The following PACSIN2 variants were observed in gnomAD, a reference collection of about 807,000 sequenced individuals.
The protein encoded by PACSIN2 is protein kinase C and casein kinase substrate in neurons 2.
PACSIN2 carries 25 observed loss-of-function variants against 63.8 expected under a neutral mutation model. The ratio of observed to expected loss-of-function variants is 0.39; its 90% CI spans 0.29 to 0.55. The LOEUF (loss-of-function observed/expected upper bound fraction) is 0.55, where lower values mean the gene tolerates loss of function less well. Among genes scored for constraint, PACSIN2 ranks in the 20% least tolerant of loss-of-function variants. PACSIN2 has a pLI of 0.62. For synonymous variants in PACSIN2, 255 were observed against 256.2 expected (o/e 1.00, Z 0.05); for missense variants, 518 against 646.9 (o/e 0.80, Z 2.16).
intron 1 of PACSIN2, among the ~76,000 whole-genome samples, chr22:42,923,282 G>A (rs188953805): frequency 3.3e-5 from 5 of 152,206 alleles, no homozygotes; most frequent in Non-Finnish European, 5.9e-5. Flanking sequence ...TTCTCAACAC[G>A]GTGACCCTCT....
chr22:42,902,436 A>G (rs1436254318), intron 2 of PACSIN2, among the ~76,000 whole-genome samples: 2 of 152,142 alleles, frequency 1.3e-5, no homozygotes, highest in Non-Finnish European at 2.9e-5. Flanking sequence ...CTATGCCTCT[A>G]TATGTCTCCA....
At chr22:42,921,463 C>G (rs1055897098) in intron 1 of PACSIN2, among the ~76,000 whole-genome samples, 4 of 151,874 alleles carry the variant, frequency 2.6e-5, no homozygotes, top group African/African-American at 9.7e-5. Context: ...CAGACTCTTA[C>G]AGAGATGTGG....
chr22:42,923,222 T>C (rs1275035243), intron 1 of PACSIN2, among the ~76,000 whole-genome samples: 3 of 152,208 alleles, frequency 2.0e-5, no homozygotes, highest in Non-Finnish European at 2.9e-5. Flanking sequence ...GTATGCACTG[T>C]TGCATGTCTT....
At position 42,921,365 on chromosome 22, in the gene PACSIN2, GAAAAAAGA is replaced by G. The variant is rs1932184442; in HGVS notation, c.-77-9216_-77-9209del. 4.8e-5 allele frequency among the ~76,000 whole-genome samples: 4 copies of G among 82,664 alleles called. No homozygotes were observed. The South Asian group carries it at 1.2e-3, about 25-fold the overall frequency. The allele number at this position is 82,664 out of a possible 152,430, so 54.2% of individuals were successfully genotyped here. On this transcript the variant is annotated intron_variant, in intron 1 of 10. Coordinates refer to ENST00000263246, the MANE Select transcript of PACSIN2 (RefSeq NM_001184970.3). ...CAGTGTGAGACTCCGTCTCAAAAAA[GAAAAAAGA>G]AAAAAAAAAAAAAAGCTGCATTTGG...
intron 1 of PACSIN2, among the ~76,000 whole-genome samples, chr22:42,933,979 C>T (rs1844430039): frequency 6.6e-6 from 1 of 152,186 alleles, no homozygotes; most frequent in African/African-American, 2.4e-5. Context: ...ACTCAAATAC[C>T]AGTGAAAAGC....
chr22:42,908,882 G>C (rs1001983599), intron 2 of PACSIN2, among the ~76,000 whole-genome samples: 1 of 152,122 alleles, frequency 6.6e-6, no homozygotes, highest in Non-Finnish European at 1.5e-5. Context: ...ATGTTACTGA[G>C]AGGCAGAGCT....
chr22:43,002,884 A>G (rs1923854431), intron 1 of PACSIN2, among the ~76,000 whole-genome samples: 1 of 152,242 alleles, frequency 6.6e-6, no homozygotes, highest in Non-Finnish European at 1.5e-5. Flanking sequence ...AACATGGAAA[A>G]TACTTGAGAA....
chr22:42,895,594 A>G (rs1930223406), intron 2 of PACSIN2, among the ~76,000 whole-genome samples: 1 of 152,276 alleles, frequency 6.6e-6, no homozygotes, highest in Admixed American at 6.5e-5. Flanking sequence ...CCATCGGCAC[A>G]CACAGGAGCT....
chr22:42,932,583 C>A (rs549570945), intron 1 of PACSIN2, among the ~76,000 whole-genome samples: 1 of 152,144 alleles, frequency 6.6e-6, no homozygotes, highest in East Asian at 1.9e-4. Flanking sequence ...CAAATAAGAC[C>A]TTTAGGATAA....
chr22:42,871,223 C>T lies in PACSIN2; in HGVS notation c.*134G>A. Reference sequence around the variant, plus strand: ...CCAGGCGAAATGACCAGCTCATCTGCCTTCCAGGAACACCATGAAGCCAAG... The same window carrying T: ...CCAGGCGAAATGACCAGCTCATCTGTCTTCCAGGAACACCATGAAGCCAAG... On this transcript the variant is annotated 3_prime_UTR_variant, in exon 11 of 11. Coordinates refer to ENST00000263246, the MANE Select transcript of PACSIN2 (RefSeq NM_001184970.3). The surrounding 1 kb of genome is among the most constrained non-coding windows in gnomAD (Gnocchi z 5.4). The T allele has an allele frequency of 1.5e-6, 1 of 659,772 alleles. No homozygotes were observed. Among genetic ancestry groups the T allele is most frequent in the Non-Finnish European group, 2.8e-6 (1 of 362,116 alleles). 40.9% of individuals were successfully genotyped at this position (659,772 alleles called of 1,614,324 possible). A position where few individuals can be genotyped will look rare whatever the true frequency, so the allele number is the denominator to read the frequency against.
chr22:42,981,400 A>G (rs1922110093), intron 1 of PACSIN2, among the ~76,000 whole-genome samples: 2 of 126,152 alleles, frequency 1.6e-5, no homozygotes, highest in African/African-American at 3.2e-5. Context: ...CCGGGAGGTG[A>G]GGGGCGCCTC....
At chr22:42,914,003 G>A (rs908762846) in intron 1 of PACSIN2, among the ~76,000 whole-genome samples, 2 of 152,198 alleles carry the variant, frequency 1.3e-5, no homozygotes, top group Admixed American at 1.3e-4. Flanking sequence ...AACAGATAAC[G>A]GTACTTCAAA....
chr22:42,989,625 T>A (rs1364678944), intron 1 of PACSIN2, among the ~76,000 whole-genome samples: 1 of 149,550 alleles, frequency 6.7e-6, no homozygotes, highest in Non-Finnish European at 1.5e-5. Context: ...TGAAACCCCG[T>A]CTCTACTAAA....
At chr22:43,004,677 A>G (rs1415925295) in intron 1 of PACSIN2, among the ~76,000 whole-genome samples, 1 of 152,238 alleles carries the variant, frequency 6.6e-6, no homozygotes, top group Non-Finnish European at 1.5e-5. Context: ...AAATGCTCAC[A>G]AACTACGGTT....
At chr22:42,996,246 G>A (rs12484605) in intron 1 of PACSIN2, among the ~76,000 whole-genome samples, 4,687 of 151,138 alleles carry the variant, frequency 0.031, 163 homozygotes, top group East Asian at 0.18. Context: ...AATTAGCCAG[G>A]TATGACACTG....
intron 2 of PACSIN2, among the ~76,000 whole-genome samples, chr22:42,895,312 A>G (rs1341981063): frequency 6.6e-6 from 1 of 152,242 alleles, no homozygotes; most frequent in Non-Finnish European, 1.5e-5. Context: ...GATGAAAAAA[A>G]TACCCAACAA....
chr22:42,991,812 CAAA>C (rs58208243), intron 1 of PACSIN2, among the ~76,000 whole-genome samples: 75,399 of 119,664 alleles, frequency 0.63, 20,642 homozygotes, highest in East Asian at 0.76. Flanking sequence ...TATCCACAGA[CAAA>C]AAAAAAAAAA....
At chr22:42,900,487 ATTATT>A (rs1368950399) in intron 2 of PACSIN2, among the ~76,000 whole-genome samples, 1 of 152,176 alleles carries the variant, frequency 6.6e-6, no homozygotes, top group Non-Finnish European at 1.5e-5. Context: ...ATTAAATTTT[ATTATT>A]TTATTTGCGA....
intron 1 of PACSIN2, among the ~76,000 whole-genome samples, chr22:42,934,760 C>A (rs544840483): frequency 1.3e-5 from 2 of 152,338 alleles, no homozygotes; most frequent in South Asian, 2.1e-4. Flanking sequence ...AAGTTGTTAA[C>A]CCTGGTAGAT....
Sources: allele counts gnomAD v4.1 joint callset (sites outside exome capture counted in the v4.1 genomes callset), GRCh38; gene constraint gnomAD v4.1.1; non-coding constraint Gnocchi (gnomAD v3.1); transcripts MANE v1.5; gene names NCBI Gene and HGNC (gene_info 2026-07-23, HGNC 2026-07-21).